The following LRBA variants were observed in gnomAD, a reference collection of about 807,000 sequenced individuals.
The protein encoded by LRBA is lipopolysaccharide-responsive and beige-like anchor protein.
Under a neutral mutation model 330.0 loss-of-function variants are expected in LRBA, and 176 were observed. That is an observed-to-expected ratio of 0.53 (90% confidence interval 0.47 to 0.60). LRBA has a LOEUF of 0.60. LRBA is among the 20% of genes least tolerant of loss of function. LRBA has a pLI of 0.00. For missense variants in LRBA, 3,259 were observed against 3,444.8 expected (o/e 0.95, Z 1.35); for synonymous variants, 1,230 against 1,193.0 (o/e 1.03, Z -0.64).
chr4:150,896,896 C>G (rs767851686), intron 15 of LRBA, among the ~76,000 whole-genome samples: 1 of 151,104 alleles, frequency 6.6e-6, no homozygotes, highest in South Asian at 2.1e-4. Context: ...TAATCTCACT[C>G]GGGAAAAGAA....
intron 40 of LRBA, among the ~76,000 whole-genome samples, chr4:150,560,937 A>T (rs1418444627): frequency 6.6e-6 from 1 of 152,032 alleles, no homozygotes; most frequent in African/African-American, 2.4e-5. Context: ...GTGAGCCAAG[A>T]TCACACCATT....
intron 44 of LRBA, among the ~76,000 whole-genome samples, chr4:150,461,249 G>C (rs1053899409): frequency 6.6e-6 from 1 of 151,740 alleles, no homozygotes; most frequent in South Asian, 2.1e-4. Context: ...CCAGCAACTG[G>C]TGCCAAAAGT....
chr4:150,974,379 G>C (rs993982738), intron 2 of LRBA, among the ~76,000 whole-genome samples: 11 of 152,074 alleles, frequency 7.2e-5, no homozygotes, highest in African/African-American at 2.7e-4. Flanking sequence ...AAACTGCATG[G>C]GCATTGGGTG....
chr4:150,900,313 C>A, intron 13 of LRBA, 96 bp from the exon 14 acceptor site: 1 of 811,730 alleles, frequency 1.2e-6, no homozygotes, highest in East Asian at 2.5e-5. Flanking sequence ...CACGCTTCTT[C>A]CAAAAAGTAA....
In LRBA at chr4:150,707,747, TG is replaced by T. The variant is rs1313232195; in HGVS notation, c.5755-24031del. On this transcript the variant is annotated intron_variant, in intron 36 of 56. Transcript: ENST00000651943. ...TAGAATCAAAAAGCAAGAGAGAAAA[TG>T]GAAGCTTGAGAATTCCAGCAGCATT... is the stretch of plus-strand genomic sequence containing the variant. 3.3e-5 allele frequency among the ~76,000 whole-genome samples: 5 copies of T among 151,592 alleles called. No homozygotes were observed. In the East Asian group the frequency reaches 9.7e-4, roughly 29 times the overall value.
chr4:150,441,661 G>C (rs754671056), intron 44 of LRBA, among the ~76,000 whole-genome samples: 18 of 151,892 alleles, frequency 1.2e-4, no homozygotes, highest in Non-Finnish European at 2.4e-4. Flanking sequence ...ATAATAAATA[G>C]GTAATCTAGA....
intron 43 of LRBA, among the ~76,000 whole-genome samples, chr4:150,468,433 T>C (rs1430870347): frequency 1.3e-5 from 2 of 152,080 alleles, no homozygotes; most frequent in Non-Finnish European, 2.9e-5. Context: ...TCTAATGACA[T>C]TTTCAATGAC....
rs62346299 is a variant in LRBA at position 150,721,036 on chromosome 4, C to T, written c.5754+14222G>A. 4,901 of 548,138 alleles carry T rather than the reference C, an allele frequency of 8.9e-3. 45 individuals are homozygous for T. Among genetic ancestry groups the T allele is most frequent in the Non-Finnish European group, 0.011 (3,109 of 272,098 alleles). The allele number at this position is 548,138 out of a possible 1,614,324, so 34.0% of individuals were successfully genotyped here. ...TACAATTTGACTGAGGAACAGAAGG[C>T]GATCAAGGCCAACTATCCTCCAGTT... On this transcript the variant is annotated intron_variant, in intron 36 of 56. Coordinates refer to ENST00000651943, the MANE Select transcript of LRBA (RefSeq NM_001364905.1).
chr4:150,484,205 A>T (rs1164978838), intron 42 of LRBA, among the ~76,000 whole-genome samples: 1 of 151,974 alleles, frequency 6.6e-6, no homozygotes, highest in Non-Finnish European at 1.5e-5. Flanking sequence ...TGTTTTTGGC[A>T]ATTTAACCTC....
At chr4:150,336,851 C>T (rs1355044256) in intron 48 of LRBA, among the ~76,000 whole-genome samples, 1 of 152,164 alleles carries the variant, frequency 6.6e-6, no homozygotes, top group Non-Finnish European at 1.5e-5. Context: ...GCAGACACAA[C>T]CAACAGAAAC....
intron 46 of LRBA, among the ~76,000 whole-genome samples, chr4:150,425,140 C>T (rs1374904678): frequency 1.3e-5 from 2 of 152,208 alleles, no homozygotes; most frequent in Non-Finnish European, 2.9e-5. Context: ...AAAATTATCT[C>T]TTTTGACAGA....
At chr4:150,969,918 T>C (rs941674287) in intron 2 of LRBA, among the ~76,000 whole-genome samples, 11 of 152,226 alleles carry the variant, frequency 7.2e-5, no homozygotes, top group Admixed American at 6.5e-4. Context: ...AAAGAAGTTC[T>C]ACTGTTCATA....
chr4:150,963,899 GC>G (rs1738529768), intron 2 of LRBA, among the ~76,000 whole-genome samples: 1 of 144,708 alleles, frequency 6.9e-6, no homozygotes, highest in Non-Finnish European at 1.5e-5. Context: ...TGTGGGGAGC[GC>G]CTGTGCCCCG....
intron 2 of LRBA, among the ~76,000 whole-genome samples, chr4:150,991,103 G>A (rs912385648): frequency 1.3e-5 from 2 of 148,888 alleles, no homozygotes; most frequent in African/African-American, 2.5e-5. Flanking sequence ...AGGAAGAGGA[G>A]GATGAAGAGG....
chr4:150,706,545 T>C (rs1349223804), intron 36 of LRBA, among the ~76,000 whole-genome samples: 5 of 151,184 alleles, frequency 3.3e-5, no homozygotes, highest in Middle Eastern at 3.4e-3. Flanking sequence ...TTTCTACCCT[T>C]CCAACTACCA....
At chr4:150,679,245 G>C (rs1360148696) in intron 37 of LRBA, among the ~76,000 whole-genome samples, 1 of 152,030 alleles carries the variant, frequency 6.6e-6, no homozygotes. Flanking sequence ...GCAAACAATG[G>C]TACATAAAAA....
intron 49 of LRBA, among the ~76,000 whole-genome samples, chr4:150,325,001 G>A (rs758579017): frequency 2.6e-5 from 4 of 151,836 alleles, no homozygotes; most frequent in South Asian, 2.1e-4. Context: ...GTCTATTTCC[G>A]TACCCATGAT....
At chr4:150,551,100 C>T (rs1030974907) in intron 40 of LRBA, among the ~76,000 whole-genome samples, 2 of 152,054 alleles carry the variant, frequency 1.3e-5, no homozygotes, top group African/African-American at 4.8e-5. Flanking sequence ...GAGTGAGTTC[C>T]TCATAAAAGA....
chr4:150,983,334 A>G (rs908808939), intron 2 of LRBA, among the ~76,000 whole-genome samples: 16 of 151,996 alleles, frequency 1.1e-4, no homozygotes, highest in Non-Finnish European at 2.2e-4. Context: ...ACATGCCTGT[A>G]GTCCCAGTTA....
Sources: gnomAD v4.1 joint callset for allele counts (sites outside exome capture counted in the v4.1 genomes callset) on GRCh38, gnomAD v4.1.1 for gene constraint, MANE v1.5 for transcripts, NCBI Gene and HGNC (gene_info 2026-07-23, HGNC 2026-07-21) for gene names.